EXT2: variants seen among roughly 807,000 people sequenced by gnomAD.
The protein encoded by EXT2 is exostosin glycosyltransferase 2.
Under a neutral mutation model 81.6 loss-of-function variants are expected in EXT2, and 53 were observed. The ratio of observed to expected loss-of-function variants is 0.65; its 90% CI spans 0.52 to 0.82. The LOEUF is 0.82. EXT2 is among the 40% of genes least tolerant of loss of function. EXT2 has a pLI of 0.00. For synonymous variants in EXT2, 320 were observed against 340.0 expected, an observed-to-expected ratio of 0.94 and a Z score of 0.65; for missense variants, 774 against 910.2, an observed-to-expected ratio of 0.85 and a Z score of 1.93.
At chr11:44,114,814 C>G (rs144518474) in intron 4 of EXT2, among the ~76,000 whole-genome samples, 1 of 152,306 alleles carries the variant, frequency 6.6e-6, no homozygotes, top group East Asian at 1.9e-4. Context: ...AAACATCTTT[C>G]AAGGCTCTCT....
At chr11:44,210,771 G>A (rs891263197) in intron 10 of EXT2, among the ~76,000 whole-genome samples, 4 of 152,202 alleles carry the variant, frequency 2.6e-5, no homozygotes, top group Admixed American at 6.5e-5. Context: ...TGCCAGATAT[G>A]TTTAGTGAAA....
chr11:44,159,739 A>G (rs1432007256), intron 7 of EXT2, among the ~76,000 whole-genome samples: 1 of 152,158 alleles, frequency 6.6e-6, no homozygotes, highest in Non-Finnish European at 1.5e-5. Flanking sequence ...AACTCTGGGA[A>G]ATAGGCCTTC....
chr11:44,161,506 TAAAA>T lies in EXT2; in HGVS notation c.1174-10096_1174-10093del, dbSNP rs71947801. ...GGCAATGGAGCAAGACCCTGGCTCT[TAAAA>T]AAAAAAAAGTAATATTCAGTGAATA... On this transcript the variant is annotated intron_variant, in intron 7 of 13. Transcript: ENST00000533608. Among the ~76,000 whole-genome samples, 92 of 146,444 alleles carry T rather than the reference TAAAA, an allele frequency of 6.3e-4. 1 individual carries two copies. The highest frequency in any genetic ancestry group is 2.0e-3 in the African/African-American group (81 of 39,874).
Position 44,180,062 on chromosome 11 carries a change from G to A in EXT2, c.1305+8320G>A, listed in dbSNP as rs1169510128. ...CTATATTTCTTGGTTTTGTGTTTTA[G>A]AAAATAGTGCGGCTTAAAAATTCAA... On this transcript the variant is annotated intron_variant, in intron 8 of 13. Transcript: ENST00000533608. Among the ~76,000 whole-genome samples, 4 of 152,188 alleles carry A rather than the reference G, an allele frequency of 2.6e-5. No individual in the cohort carries two copies. In the East Asian group the frequency reaches 7.7e-4, roughly 29 times the overall value.
At chr11:44,130,276 G>A (rs1230786637) in intron 7 of EXT2, 138 bp downstream of exon 7, 1 of 723,818 alleles carries the variant, frequency 1.4e-6, no homozygotes, top group East Asian at 2.7e-5. Flanking sequence ...TGAAACGATA[G>A]GAAATTAATG....
rs58131996 is a variant in EXT2, at chr11:44,170,810, T to TCA, written c.1174-755_1174-754dup. Among the ~76,000 whole-genome samples the TCA allele has an allele frequency of 9.1e-3, 1,321 of 145,614 alleles. 17 individuals are homozygous for TCA. The highest frequency in any genetic ancestry group is 0.027 in the African/African-American group (1,049 of 39,270). On this transcript the variant is annotated intron_variant, in intron 7 of 13. Coordinates refer to ENST00000533608, the MANE Select transcript of EXT2 (RefSeq NM_207122.2). Reference sequence around the variant, plus strand: ...CATCCATAATTTAAAACGTTCACATTCACACACACACACACACACACACAC... The same window carrying TCA: ...CATCCATAATTTAAAACGTTCACATTCACACACACACACACACACACACACAC...
At chr11:44,236,481 GC>G in intron 13 of EXT2, 106 bp downstream of exon 13, 1 of 1,025,718 alleles carries the variant, frequency 9.7e-7, no homozygotes, top group Non-Finnish European at 1.5e-6. Context: ...GCAGCTGGTA[GC>G]CATAGTCACC....
intron 8 of EXT2, among the ~76,000 whole-genome samples, chr11:44,189,373 T>C (rs1220860350): frequency 6.6e-6 from 1 of 152,246 alleles, no homozygotes; most frequent in African/African-American, 2.4e-5. Context: ...TCAGTTATTG[T>C]ATTAGTCTGT....
At chr11:44,184,522 G>C (rs557877030) in intron 8 of EXT2, among the ~76,000 whole-genome samples, 11 of 152,128 alleles carry the variant, frequency 7.2e-5, no homozygotes, top group South Asian at 4.2e-4. Flanking sequence ...GAGGCCGAGG[G>C]GGGTGGATCA....
chr11:44,160,465 A>AG (rs1446151441), intron 7 of EXT2, among the ~76,000 whole-genome samples: 1 of 152,240 alleles, frequency 6.6e-6, no homozygotes, highest in Non-Finnish European at 1.5e-5. Flanking sequence ...ACTGGAAACC[A>AG]GAAACCCCCA....
intron 8 of EXT2, among the ~76,000 whole-genome samples, chr11:44,179,556 C>T (rs891227865): frequency 6.6e-6 from 1 of 152,130 alleles, no homozygotes; most frequent in Non-Finnish European, 1.5e-5. Context: ...TTTCATGTAC[C>T]AACTATCACT....
At chr11:44,211,459 A>C (rs889871201) in intron 10 of EXT2, among the ~76,000 whole-genome samples, 2 of 152,348 alleles carry the variant, frequency 1.3e-5, no homozygotes, top group Non-Finnish European at 2.9e-5. Context: ...AAAAAGAATG[A>C]AATTTTGTCA....
At chr11:44,188,082 G>A (rs1955341042) in intron 8 of EXT2, among the ~76,000 whole-genome samples, 1 of 152,174 alleles carries the variant, frequency 6.6e-6, no homozygotes, top group Non-Finnish European at 1.5e-5. Flanking sequence ...CTCCTTAAGT[G>A]AACAACTAAA....
chr11:44,224,098 A>G (rs1245289907), intron 10 of EXT2, among the ~76,000 whole-genome samples: 2 of 152,212 alleles, frequency 1.3e-5, no homozygotes, highest in African/African-American at 2.4e-5. Context: ...AAGCGTATAC[A>G]GGCTCTCTGC....
intron 8 of EXT2, among the ~76,000 whole-genome samples, chr11:44,187,795 A>G (rs1955337288): frequency 6.6e-6 from 1 of 152,208 alleles, no homozygotes; most frequent in Non-Finnish European, 1.5e-5. Flanking sequence ...AGGAAGTGAG[A>G]CATATTTATA....
At chr11:44,152,614 G>C (rs535100007) in intron 7 of EXT2, among the ~76,000 whole-genome samples, 2 of 152,212 alleles carry the variant, frequency 1.3e-5, no homozygotes, top group East Asian at 3.9e-4. Flanking sequence ...CCTTCCCAAA[G>C]TGCTGAGATT....
chr11:44,184,707 T>C (rs1955286357), intron 8 of EXT2, among the ~76,000 whole-genome samples: 2 of 152,126 alleles, frequency 1.3e-5, no homozygotes, highest in Non-Finnish European at 2.9e-5. Flanking sequence ...GCCGAGATGG[T>C]GCCACTGCAC....
At chr11:44,211,821 T>C (rs535485598) in intron 10 of EXT2, among the ~76,000 whole-genome samples, 1 of 152,334 alleles carries the variant, frequency 6.6e-6, no homozygotes, top group East Asian at 1.9e-4. Flanking sequence ...ATTAGTCTGA[T>C]TTGCTCTTCT....
rs11828047 is a variant in EXT2 at position 44,126,893 on chromosome 11, T to C, written c.1017T>C (p.Cys339=). 1.6e-3 allele frequency: 2,614 copies of C among 1,614,210 alleles called. 42 individuals carry two copies. In the African/African-American group the frequency reaches 0.029, roughly 18 times the overall value. ...AVLSDVLQAG[C]VPVVIADSYI... ...TGAGCGATGTGTTACAAGCTGGCTG[T>C]GTCCCGGTTGTCATTGCAGACTCCT... The change falls in exon 6 of 14, where the codon TGT becomes TGC. Residue 339 remains cysteine, a synonymous_variant. Transcript: ENST00000533608.
Sources: gnomAD v4.1 joint callset for allele counts (sites outside exome capture counted in the v4.1 genomes callset) on GRCh38, gnomAD v4.1.1 for gene constraint, MANE v1.5 for transcripts, NCBI Gene and HGNC (gene_info 2026-07-23, HGNC 2026-07-21) for gene names.